OTUD7A: variants seen among roughly 807,000 people sequenced by gnomAD.
The protein encoded by OTUD7A is OTU domain-containing protein 7A.
Under a neutral mutation model 65.7 loss-of-function variants are expected in OTUD7A, and 12 were observed. The ratio of observed to expected loss-of-function variants is 0.18; its 90% CI spans 0.12 to 0.30. The LOEUF is 0.30. Ranked by LOEUF, OTUD7A falls within the 10% of genes least tolerant of loss-of-function variation. The pLI, the probability that OTUD7A is intolerant of heterozygous loss-of-function variation, is 1.00. For missense variants in OTUD7A, 1,148 were observed against 1,304.8 expected, an observed-to-expected ratio of 0.88 and a Z score of 1.85; for synonymous variants, 641 against 586.3, an observed-to-expected ratio of 1.09 and a Z score of -1.35.
At chr15:31,785,463 A>T (rs1895647991) in intron 1 of OTUD7A, among the ~76,000 whole-genome samples, 2 of 152,158 alleles carry the variant, frequency 1.3e-5, no homozygotes, top group African/African-American at 2.4e-5. Flanking sequence ...GAACAGCAAA[A>T]AGGTGTGTCC....
Position 31,870,521 on chromosome 15 carries a change from C to A in OTUD7A, c.-114G>T. 1 of 149,076 alleles carries A rather than the reference C, an allele frequency of 6.7e-6. No individual in the cohort carries two copies. The highest frequency in any genetic ancestry group is 1.8e-4 in the South Asian group (1 of 5,450). 9.2% of individuals were successfully genotyped at this position (149,076 alleles called of 1,614,324 possible). A position where few individuals can be genotyped will look rare whatever the true frequency, so the allele number is the denominator to read the frequency against. On this transcript the variant is annotated 5_prime_UTR_variant, in exon 1 of 13. Coordinates refer to ENST00000307050, the MANE Select transcript of OTUD7A (RefSeq NM_001382637.1). ...CGCCGTCTTACCTGCCGCGCCGCGC[C>A]GCTCCGCTCCGCCAGCCCGCAGCGC...
chr15:31,709,574 C>G (rs1333127903), intron 1 of OTUD7A, among the ~76,000 whole-genome samples: 1 of 152,200 alleles, frequency 6.6e-6, no homozygotes, highest in East Asian at 1.9e-4. Flanking sequence ...AAGAACCGGG[C>G]ATTCACCAAA....
At chr15:31,809,362 G>A (rs1442429538) in intron 1 of OTUD7A, among the ~76,000 whole-genome samples, 1 of 152,170 alleles carries the variant, frequency 6.6e-6, no homozygotes, top group Admixed American at 6.5e-5. Flanking sequence ...TCAGAATCTG[G>A]CTTGAGCGGT....
At chr15:31,762,271 A>G (rs562476129) in intron 1 of OTUD7A, among the ~76,000 whole-genome samples, 1 of 152,188 alleles carries the variant, frequency 6.6e-6, no homozygotes, top group Non-Finnish European at 1.5e-5. Context: ...AGGGAGGGGA[A>G]TTCTCCTCTC....
chr15:31,490,125 G>T (rs1392892276), intron 10 of OTUD7A, among the ~76,000 whole-genome samples: 2 of 152,244 alleles, frequency 1.3e-5, no homozygotes, highest in East Asian at 3.8e-4. Flanking sequence ...GTGAGCAGCG[G>T]CTGCTCAGGA....
intron 1 of OTUD7A, among the ~76,000 whole-genome samples, chr15:31,848,643 G>A (rs527881586): frequency 9.9e-5 from 15 of 152,244 alleles, no homozygotes; most frequent in African/African-American, 3.6e-4. Context: ...TTGAGATCAT[G>A]TGCTCTTCCA....
intron 1 of OTUD7A, among the ~76,000 whole-genome samples, chr15:31,847,130 A>G (rs1051271785): frequency 3.3e-5 from 5 of 152,240 alleles, no homozygotes; most frequent in African/African-American, 9.6e-5. Context: ...GGGCTAGCAC[A>G]GTATGTCAGG....
At chr15:31,804,893 T>G (rs779842305) in intron 1 of OTUD7A, among the ~76,000 whole-genome samples, 1 of 152,244 alleles carries the variant, frequency 6.6e-6, no homozygotes, top group Non-Finnish European at 1.5e-5. Context: ...CTAGGAGAAC[T>G]GTTCACAACA....
intron 1 of OTUD7A, among the ~76,000 whole-genome samples, chr15:31,816,736 A>G (rs539381341): frequency 6.6e-6 from 1 of 152,040 alleles, no homozygotes; most frequent in Non-Finnish European, 1.5e-5. Context: ...TGAGACATTT[A>G]CTACTTAAAA....
At chr15:31,591,142 T>C (rs1353189095) in intron 3 of OTUD7A, among the ~76,000 whole-genome samples, 2 of 151,862 alleles carry the variant, frequency 1.3e-5, no homozygotes, top group East Asian at 3.9e-4. Context: ...ATATGGGGCA[T>C]AGAACATAGA....
At chr15:31,811,901 G>A (rs561761232) in intron 1 of OTUD7A, among the ~76,000 whole-genome samples, 4 of 152,172 alleles carry the variant, frequency 2.6e-5, no homozygotes, top group Non-Finnish European at 4.4e-5. Context: ...TCACTCACTC[G>A]CTCACTCTGC....
At chr15:31,801,415 C>T (rs1037473570) in intron 1 of OTUD7A, among the ~76,000 whole-genome samples, 1 of 152,254 alleles carries the variant, frequency 6.6e-6, no homozygotes, top group East Asian at 1.9e-4. Context: ...GAACCCAGCC[C>T]TTCTGGTTTG....
intron 1 of OTUD7A, among the ~76,000 whole-genome samples, chr15:31,687,845 T>C (rs183697720): frequency 8.5e-4 from 130 of 152,196 alleles, no homozygotes; most frequent in Admixed American, 4.6e-3. Flanking sequence ...TGGATGAAAA[T>C]CAGCCAGGGA....
At chr15:31,827,373 C>T (rs750224280) in intron 1 of OTUD7A, among the ~76,000 whole-genome samples, 1 of 152,140 alleles carries the variant, frequency 6.6e-6, no homozygotes, top group South Asian at 2.1e-4. Context: ...TTTTGTGAGA[C>T]GTATTCACTA....
chr15:31,680,320 A>G (rs2338931), intron 1 of OTUD7A, among the ~76,000 whole-genome samples: 4 of 152,126 alleles, frequency 2.6e-5, no homozygotes, highest in Admixed American at 6.5e-5. Context: ...AGAACACTCT[A>G]ATTATGTGTA....
In OTUD7A at chr15:31,731,947, T is replaced by G. The variant is rs1894055938; in HGVS notation, c.-99-74870A>C. Among the ~76,000 whole-genome samples the G allele has an allele frequency of 3.9e-5, 6 of 152,226 alleles. No individual in the cohort carries two copies. The South Asian group carries it at 1.2e-3, about 32-fold the overall frequency. On this transcript the variant is annotated intron_variant, in intron 1 of 12. Coordinates refer to ENST00000307050, the MANE Select transcript of OTUD7A (RefSeq NM_001382637.1). ...ATATATAATCACATAAACAGACATT[T>G]CCCTTTCAGTAACACTTTTTGAAAC...
At chr15:31,688,721 T>C (rs1233080320) in intron 1 of OTUD7A, among the ~76,000 whole-genome samples, 1 of 152,176 alleles carries the variant, frequency 6.6e-6, no homozygotes, top group Non-Finnish European at 1.5e-5. Context: ...TACTTTCAAA[T>C]GATTCAGACA....
intron 8 of OTUD7A, among the ~76,000 whole-genome samples, chr15:31,518,789 G>A (rs942725647): frequency 6.6e-6 from 1 of 152,214 alleles, no homozygotes; most frequent in Non-Finnish European, 1.5e-5. Flanking sequence ...GAGGCTCAAG[G>A]GGCTGAACCC....
At position 31,834,153 on chromosome 15, in the gene OTUD7A, G is replaced by T. The variant is rs145891039; in HGVS notation, c.-100+36354C>A. On this transcript the variant is annotated intron_variant, in intron 1 of 12. Coordinates refer to ENST00000307050, the MANE Select transcript of OTUD7A (RefSeq NM_001382637.1). ...AGGTGCCCTAAAACCAGCCAAAAGT[G>T]CTAACAAGAGTCACAGGCATTTCCT... is the stretch of plus-strand genomic sequence containing the variant. 5.3e-3 allele frequency among the ~76,000 whole-genome samples: 801 copies of T among 152,334 alleles called. 5 individuals are homozygous for T. The highest frequency in any genetic ancestry group is 0.017 in the African/African-American group (713 of 41,572).
Sources: allele counts gnomAD v4.1 joint callset (sites outside exome capture counted in the v4.1 genomes callset), GRCh38; gene constraint gnomAD v4.1.1; transcripts MANE v1.5; gene names NCBI Gene and HGNC (gene_info 2026-07-23, HGNC 2026-07-21).